Variants in DENND1A observed in about 807,000 individuals in gnomAD.
DENND1A encodes DENN domain-containing protein 1A.
Under a neutral mutation model 113.7 loss-of-function variants are expected in DENND1A, and 51 were observed. The ratio of observed to expected loss-of-function variants is 0.45; its 90% CI spans 0.36 to 0.57. The LOEUF is 0.57. Among genes scored for constraint, DENND1A ranks in the 20% least tolerant of loss-of-function variants. The pLI, the probability that DENND1A is intolerant of heterozygous loss-of-function variation, is 0.00. For missense variants in DENND1A, 1,258 were observed against 1,395.9 expected, an observed-to-expected ratio of 0.90 and a Z score of 1.57; for synonymous variants, 565 against 570.8, an observed-to-expected ratio of 0.99 and a Z score of 0.14.
At chr9:123,383,588 G>A in intron 23 of DENND1A, 67 bp downstream of exon 23, 1 of 1,557,664 alleles carries the variant, frequency 6.4e-7, no homozygotes, top group East Asian at 2.3e-5. Context: ...ACTGTCACAT[G>A]GGGATCCCAC....
chr9:123,455,348 C>T (rs992366120), intron 15 of DENND1A, among the ~76,000 whole-genome samples: 24 of 152,248 alleles, frequency 1.6e-4, no homozygotes, highest in East Asian at 1.2e-3. Context: ...ACGGCCTCTC[C>T]ATCCTGTGCT....
At chr9:123,450,848 G>A (rs2047667726) in intron 17 of DENND1A, 99 bp from the exon 18 acceptor site, 2 of 914,618 alleles carry the variant, frequency 2.2e-6, no homozygotes, top group South Asian at 1.8e-5. Context: ...CTGATTACTA[G>A]AAAAAGGAAG....
chr9:123,692,687 G>A (rs532346773), intron 5 of DENND1A, among the ~76,000 whole-genome samples: 2 of 152,184 alleles, frequency 1.3e-5, no homozygotes, highest in Non-Finnish European at 2.9e-5. Context: ...AAGCTAATAA[G>A]ATTCTAAGAG....
At chr9:123,607,054 C>T (rs1264850794) in intron 11 of DENND1A, among the ~76,000 whole-genome samples, 3 of 152,110 alleles carry the variant, frequency 2.0e-5, no homozygotes, top group Non-Finnish European at 4.4e-5. Flanking sequence ...TGTGCAGAAC[C>T]CAGGGACTGT....
At chr9:123,745,639 T>C (rs7857992) in intron 5 of DENND1A, among the ~76,000 whole-genome samples, 11,381 of 152,298 alleles carry the variant, frequency 0.075, 569 homozygotes, top group African/African-American at 0.14. Flanking sequence ...CTTAGGTACA[T>C]ACAGTACACA....
chr9:123,860,012 T>C (rs944690226), intron 2 of DENND1A, among the ~76,000 whole-genome samples: 1 of 152,098 alleles, frequency 6.6e-6, no homozygotes, highest in African/African-American at 2.4e-5. Flanking sequence ...ATTGCTGAGA[T>C]GACAGCATTA....
intron 19 of DENND1A, chr9:123,437,859 T>C (rs1213430517): frequency 6.6e-6 from 1 of 152,104 alleles, no homozygotes; most frequent in Non-Finnish European, 1.5e-5. Flanking sequence ...AAAGAGAATA[T>C]ATACCATTAG....
intron 12 of DENND1A, among the ~76,000 whole-genome samples, chr9:123,558,366 C>T (rs1034275823): frequency 6.6e-6 from 1 of 152,176 alleles, no homozygotes; most frequent in Non-Finnish European, 1.5e-5. Flanking sequence ...ATTTCTCACA[C>T]ATCATACTCT....
intron 13 of DENND1A, among the ~76,000 whole-genome samples, chr9:123,459,464 T>C (rs1253702817): frequency 6.6e-6 from 1 of 152,192 alleles, no homozygotes; most frequent in African/African-American, 2.4e-5. Flanking sequence ...ATCGATTTTA[T>C]GCTTATGCTG....
intron 17 of DENND1A, 39 bp from the exon 18 acceptor site, chr9:123,450,788 G>T (rs777633610): frequency 3.9e-6 from 6 of 1,544,936 alleles, no homozygotes; most frequent in Non-Finnish European, 5.3e-6. Flanking sequence ...TTCCCTTTCT[G>T]TTTCCAGCAG....
At chr9:123,926,148 CT>C in intron 1 of DENND1A, among the ~76,000 whole-genome samples, 1 of 152,352 alleles carries the variant, frequency 6.6e-6, no homozygotes, top group African/African-American at 2.4e-5. Context: ...TTTTATTCTT[CT>C]AGATAAATGT....
At chr9:123,716,507 T>C (rs935677531) in intron 5 of DENND1A, among the ~76,000 whole-genome samples, 3 of 152,228 alleles carry the variant, frequency 2.0e-5, no homozygotes, top group Non-Finnish European at 4.4e-5. Context: ...ATCAGTTTCA[T>C]GCCTGTGGTT....
chr9:123,509,350 G>A (rs1000654170), intron 13 of DENND1A, among the ~76,000 whole-genome samples: 1 of 152,198 alleles, frequency 6.6e-6, no homozygotes, highest in African/African-American at 2.4e-5. Flanking sequence ...AGTCAGACAG[G>A]TCTGTCTTCT....
Position 123,546,564 on chromosome 9 carries a change from C to A in DENND1A, c.993+11006G>T, listed in dbSNP as rs1023195149. On this transcript the variant is annotated intron_variant, in intron 13 of 23. Coordinates refer to ENST00000394215, the MANE Select transcript of DENND1A (RefSeq NM_001352964.2). ...GAGACTCCATCTCAAAAAAAAAAAA[C>A]AACAACTAAGTATCTCTATTGTGCA... Among the ~76,000 whole-genome samples the A allele has an allele frequency of 4.5e-3, 674 of 150,014 alleles. 1 individual carries two copies. The highest frequency in any genetic ancestry group is 7.5e-3 in the Non-Finnish European group (508 of 67,338).
rs142581733 is a variant in DENND1A, at chr9:123,918,987, C to T, written c.17+10902G>A. The stretch of plus-strand genomic sequence containing the variant: ...GGACAGAGGAATACATTAAACAAAC[C>T]TTAAGGATGCAACGGAAATCATATA... On this transcript the variant is annotated intron_variant, in intron 1 of 23. Transcript: ENST00000394215. 6.4e-3 allele frequency among the ~76,000 whole-genome samples: 981 copies of T among 152,148 alleles called. 16 individuals are homozygous for T. The highest frequency in any genetic ancestry group is 0.023 in the African/African-American group (939 of 41,512).
At chr9:123,481,221 G>A (rs368381649) in intron 13 of DENND1A, among the ~76,000 whole-genome samples, 25 of 152,340 alleles carry the variant, frequency 1.6e-4, no homozygotes, top group South Asian at 4.1e-4. Flanking sequence ...TGCAGAGGCC[G>A]ACTCAGGAAG....
At chr9:123,399,803 A>C (rs2043334036) in intron 21 of DENND1A, among the ~76,000 whole-genome samples, 1 of 152,238 alleles carries the variant, frequency 6.6e-6, no homozygotes. Context: ...CAGCATCAGA[A>C]TGTCATGGAG....
At chr9:123,546,791 C>A (rs1025554501) in intron 13 of DENND1A, among the ~76,000 whole-genome samples, 2 of 152,190 alleles carry the variant, frequency 1.3e-5, no homozygotes, top group African/African-American at 4.8e-5. Context: ...TAAATGAGAT[C>A]AAGTTAAAGC....
At chr9:123,889,212 T>G (rs565033367) in intron 1 of DENND1A, among the ~76,000 whole-genome samples, 1 of 152,286 alleles carries the variant, frequency 6.6e-6, no homozygotes, top group South Asian at 2.1e-4. Context: ...GGTAGATCCC[T>G]TACTTGTTAT....
Sources: allele counts gnomAD v4.1 joint callset (sites outside exome capture counted in the v4.1 genomes callset), GRCh38; gene constraint gnomAD v4.1.1; transcripts MANE v1.5; gene names NCBI Gene and HGNC (gene_info 2026-07-23, HGNC 2026-07-21).